The following WWOX variants were observed in gnomAD, a reference collection of about 807,000 sequenced individuals.
WWOX encodes the protein WW domain containing oxidoreductase, also known as WW domain-containing oxidoreductase.
WWOX carries 69 observed loss-of-function variants against 46.2 expected under a neutral mutation model. The observed-to-expected ratio is 1.49, with a 90% CI of 1.23 to 1.82. The LOEUF (loss-of-function observed/expected upper bound fraction) is 1.82. Ranked by LOEUF, WWOX falls within the 40% of genes most tolerant of loss-of-function variation. The pLI is 0.00. For synonymous variants in WWOX, 359 were observed against 202.6 expected (o/e 1.77, Z -6.56); for missense variants, 919 against 542.6 (o/e 1.69, Z -6.89).
At chr16:78,991,697 A>G (rs1349911902) in intron 8 of WWOX, among the ~76,000 whole-genome samples, 1 of 151,400 alleles carries the variant, frequency 6.6e-6, no homozygotes, top group Non-Finnish European at 1.5e-5. Context: ...CCTTTCCTAT[A>G]CAACGCAAGC....
At chr16:79,043,570 C>G (rs1567510069) in intron 8 of WWOX, among the ~76,000 whole-genome samples, 1 of 152,084 alleles carries the variant, frequency 6.6e-6, no homozygotes, top group African/African-American at 2.4e-5. Context: ...TTAATTTGTT[C>G]CAAATTTCCA....
chr16:78,789,731 G>T (rs563663337), intron 8 of WWOX, among the ~76,000 whole-genome samples: 2 of 152,160 alleles, frequency 1.3e-5, no homozygotes, highest in African/African-American at 2.4e-5. Context: ...ACAGTCATCA[G>T]CTCTTGTGAG....
At chr16:79,195,108 C>G (rs2051212713) in intron 8 of WWOX, among the ~76,000 whole-genome samples, 1 of 152,106 alleles carries the variant, frequency 6.6e-6, no homozygotes, top group Non-Finnish European at 1.5e-5. Flanking sequence ...CTCAGATTTA[C>G]AGAGGAGAAA....
chr16:79,040,669 A>G (rs1043037302), intron 8 of WWOX, among the ~76,000 whole-genome samples: 1 of 152,014 alleles, frequency 6.6e-6, no homozygotes, highest in African/African-American at 2.4e-5. Flanking sequence ...CACCCTCATC[A>G]TCAACCCCTC....
chr16:78,795,275 T>C (rs192544974), intron 8 of WWOX, among the ~76,000 whole-genome samples: 14 of 152,312 alleles, frequency 9.2e-5, no homozygotes, highest in East Asian at 7.7e-4. Context: ...ATAAATACTT[T>C]ATATAATTTA....
intron 8 of WWOX, among the ~76,000 whole-genome samples, chr16:78,780,255 G>C (rs2050290677): frequency 6.6e-6 from 1 of 152,114 alleles, no homozygotes; most frequent in South Asian, 2.1e-4. Context: ...TGGGGGTCAG[G>C]AGAGGGAGAT....
chr16:78,578,257 T>TAC (rs2044943352), intron 8 of WWOX, among the ~76,000 whole-genome samples: 9 of 29,350 alleles, frequency 3.1e-4, no homozygotes, highest in Non-Finnish European at 6.7e-4. Flanking sequence ...CCAAATTTTA[T>TAC]ATATATATAT....
intron 8 of WWOX, among the ~76,000 whole-genome samples, chr16:78,675,806 T>C (rs1263338866): frequency 6.6e-6 from 1 of 152,174 alleles, no homozygotes; most frequent in Non-Finnish European, 1.5e-5. Flanking sequence ...AGACCTTGTC[T>C]GTACTAAAAA....
intron 8 of WWOX, among the ~76,000 whole-genome samples, chr16:78,906,869 A>C (rs1464494035): frequency 1.3e-5 from 2 of 152,032 alleles, no homozygotes; most frequent in Non-Finnish European, 2.9e-5. Context: ...AAGCTTCCTA[A>C]CTCCATGGTG....
chr16:78,979,059 C>A (rs949048218), intron 8 of WWOX, among the ~76,000 whole-genome samples: 1 of 150,934 alleles, frequency 6.6e-6, no homozygotes, highest in African/African-American at 2.4e-5. Flanking sequence ...AGGTCTCCTT[C>A]GTCCTCCCTG....
chr16:78,601,044 A>C (rs2045610541), intron 8 of WWOX, among the ~76,000 whole-genome samples: 1 of 152,120 alleles, frequency 6.6e-6, no homozygotes, highest in African/African-American at 2.4e-5. Flanking sequence ...GTTTCCACAT[A>C]ATACCTGGGG....
chr16:79,070,268 ATG>A (rs4035490), intron 8 of WWOX, among the ~76,000 whole-genome samples: 68,352 of 144,896 alleles, frequency 0.47, 15,671 homozygotes, highest in East Asian at 0.59. Flanking sequence ...TGTGTTTCTG[ATG>A]TGTGTGTGTG....
intron 8 of WWOX, among the ~76,000 whole-genome samples, chr16:78,723,734 C>G (rs769255429): frequency 1.3e-5 from 2 of 151,810 alleles, no homozygotes; most frequent in Non-Finnish European, 2.9e-5. Flanking sequence ...GGGTTCACTC[C>G]TGACAGTTCT....
intron 8 of WWOX, among the ~76,000 whole-genome samples, chr16:78,948,658 G>A (rs1007523854): frequency 1.3e-5 from 2 of 152,066 alleles, no homozygotes; most frequent in Non-Finnish European, 2.9e-5. Flanking sequence ...AGAGGTTCCA[G>A]CAGTTCCAGC....
At chr16:79,087,736 T>G (rs2048879769) in intron 8 of WWOX, among the ~76,000 whole-genome samples, 2 of 152,198 alleles carry the variant, frequency 1.3e-5, no homozygotes, top group Non-Finnish European at 2.9e-5. Context: ...TTGCAACACT[T>G]TCTCTGGAAT....
chr16:78,851,600 A>C (rs1439181334), intron 8 of WWOX, among the ~76,000 whole-genome samples: 1 of 152,216 alleles, frequency 6.6e-6, no homozygotes, highest in Non-Finnish European at 1.5e-5. Flanking sequence ...TATCTGTCTC[A>C]TTCACCACTT....
chr16:78,399,189 G>A (rs1466740770), intron 6 of WWOX, among the ~76,000 whole-genome samples: 2 of 152,182 alleles, frequency 1.3e-5, no homozygotes, highest in African/African-American at 2.4e-5. Context: ...GGATGGAACG[G>A]AAGAAGAGGG....
intron 8 of WWOX, among the ~76,000 whole-genome samples, chr16:78,434,074 C>G (rs566955284): frequency 1.2e-4 from 19 of 152,270 alleles, no homozygotes; most frequent in Non-Finnish European, 2.6e-4. Context: ...CAGGCGTGAG[C>G]CACCGCGCCC....
chr16:78,587,996 G>C (rs2045258881), intron 8 of WWOX, among the ~76,000 whole-genome samples: 1 of 152,192 alleles, frequency 6.6e-6, no homozygotes, highest in Non-Finnish European at 1.5e-5. Flanking sequence ...GTGGCAAATA[G>C]ATAAGATACA....
Sources: allele counts gnomAD v4.1 joint callset (sites outside exome capture counted in the v4.1 genomes callset), GRCh38; gene constraint gnomAD v4.1.1; transcripts MANE v1.5; gene names NCBI Gene and HGNC (gene_info 2026-07-23, HGNC 2026-07-21).